The following DOCK10 variants were observed in gnomAD, a reference collection of about 807,000 sequenced individuals.
The protein encoded by DOCK10 is dedicator of cytokinesis 10, also known as dedicator of cytokinesis protein 10.
DOCK10 carries 145 observed loss-of-function variants against 280.1 expected under a neutral mutation model. The ratio of observed to expected loss-of-function variants is 0.52; its 90% CI spans 0.45 to 0.59. The LOEUF (loss-of-function observed/expected upper bound fraction) is 0.59, where lower values mean the gene tolerates loss of function less well. DOCK10 is among the 20% of genes least tolerant of loss of function. The probability of loss-of-function intolerance (pLI) is 0.00; values close to 1 mark genes in which losing one functional copy is unlikely to be tolerated. For missense variants in DOCK10, 2,368 were observed against 2,651.7 expected, an observed-to-expected ratio of 0.89 and a Z score of 2.35; for synonymous variants, 915 against 942.2, an observed-to-expected ratio of 0.97 and a Z score of 0.53.
At chr2:224,954,487 A>G (rs28460215) in intron 1 of DOCK10, among the ~76,000 whole-genome samples, 11 of 152,302 alleles carry the variant, frequency 7.2e-5, no homozygotes, top group Non-Finnish European at 1.3e-4. Flanking sequence ...AAGGCATCCA[A>G]CTGTCTTCGA....
At position 224,936,037 on chromosome 2, in the gene DOCK10, C is replaced by T. The variant is rs555348648; in HGVS notation, c.124-4369G>A. Among the ~76,000 whole-genome samples, 63 of 152,270 alleles carry T rather than the reference C, an allele frequency of 4.1e-4. 1 individual carries two copies. Among genetic ancestry groups the T allele is most frequent in the Admixed American group, 8.5e-4 (13 of 15,270 alleles). On this transcript the variant is annotated intron_variant, in intron 1 of 55. Transcript: ENST00000258390. ...GGAGATTATACCCAATGAGTGAAGA[C>T]TCCAGAGCTGCTGTTCCAAACAGTG...
intron 1 of DOCK10, among the ~76,000 whole-genome samples, chr2:224,988,953 T>C (rs1422252487): frequency 1.3e-5 from 2 of 152,168 alleles, no homozygotes; most frequent in Non-Finnish European, 2.9e-5. Context: ...ACATAAAATG[T>C]TGGTGAACAC....
In DOCK10 at chr2:225,018,744, T is replaced by C. The variant is rs184813642; in HGVS notation, c.123+23508A>G. Among the ~76,000 whole-genome samples, 86 of 91,028 alleles carry C rather than the reference T, an allele frequency of 9.4e-4. 16 individuals are homozygous for C. The highest frequency in any genetic ancestry group is 2.8e-3 in the African/African-American group (82 of 29,580). 59.7% of individuals were successfully genotyped at this position (91,028 alleles called of 152,430 possible). ...AAGATTTCATGTAAATATATATATA[T>C]ACACATACACATATGTGTATATGTA... On this transcript the variant is annotated intron_variant, in intron 1 of 55. Transcript: ENST00000258390.
In DOCK10 at chr2:224,982,409, G is replaced by A. The variant is rs1705797940; in HGVS notation, c.124-50741C>T. 2.4e-6 allele frequency: 3 copies of A among 1,231,234 alleles called. No homozygotes were observed. In the South Asian group the frequency reaches 1.2e-4, roughly 51 times the overall value. The allele number at this position is 1,231,234 out of a possible 1,614,324, so 76.3% of individuals were successfully genotyped here. A position where few individuals can be genotyped will look rare whatever the true frequency, so the allele number is the denominator to read the frequency against. ...CCTACAAAATAACTTCTATGTTGATGCTATGTTTGCAAAACAGTGGCTCCT... is the reference window on the plus strand; with the variant it reads ...CCTACAAAATAACTTCTATGTTGATACTATGTTTGCAAAACAGTGGCTCCT... On this transcript the variant is annotated intron_variant, in intron 1 of 55. Coordinates refer to ENST00000258390, the MANE Select transcript of DOCK10 (RefSeq NM_014689.3).
At chr2:224,940,047 C>T (rs1427158325) in intron 1 of DOCK10, among the ~76,000 whole-genome samples, 1 of 152,158 alleles carries the variant, frequency 6.6e-6, no homozygotes, top group Non-Finnish European at 1.5e-5. Flanking sequence ...CTAATGAAAG[C>T]GTCCTGATTT....
intron 2 of DOCK10, among the ~76,000 whole-genome samples, chr2:224,918,966 A>C (rs1250059605): frequency 1.8e-5 from 2 of 109,358 alleles, no homozygotes; most frequent in African/African-American, 7.3e-5. Context: ...GTGTGTGTGT[A>C]TGTGTGGTGT....
At chr2:224,773,839 C>A (rs1471774089) in intron 52 of DOCK10, among the ~76,000 whole-genome samples, 3 of 152,000 alleles carry the variant, frequency 2.0e-5, no homozygotes, top group Non-Finnish European at 4.4e-5. Context: ...ACCATGTTGG[C>A]CAGGATGGTC....
intron 29 of DOCK10, among the ~76,000 whole-genome samples, chr2:224,817,291 C>T (rs190933709): frequency 3.8e-4 from 58 of 152,262 alleles, no homozygotes; most frequent in African/African-American, 1.1e-3. Flanking sequence ...AGTCCAGGCA[C>T]GGTCAAAGTA....
At chr2:224,784,694 G>A (rs1474500841) in intron 50 of DOCK10, 1 of 1,288,438 alleles carries the variant, frequency 7.8e-7, no homozygotes, top group East Asian at 5.5e-5. Context: ...TGTGAGGGGT[G>A]TTAGAGCATG....
At chr2:224,884,211 C>T (rs1420911098) in intron 7 of DOCK10, among the ~76,000 whole-genome samples, 4 of 152,156 alleles carry the variant, frequency 2.6e-5, no homozygotes, top group African/African-American at 9.7e-5. Context: ...TTATTACTTC[C>T]TGGAAGAATT....
chr2:224,794,653 T>C (rs1692426741), intron 45 of DOCK10, among the ~76,000 whole-genome samples: 1 of 152,214 alleles, frequency 6.6e-6, no homozygotes, highest in South Asian at 2.1e-4. Flanking sequence ...TTTCTACACC[T>C]GCAGTTGCCC....
intron 1 of DOCK10, among the ~76,000 whole-genome samples, chr2:225,015,941 AGCTAAAATAAGACCAT>A (rs1689578932): frequency 6.6e-6 from 1 of 152,216 alleles, no homozygotes; most frequent in South Asian, 2.1e-4. Context: ...TAAAAAAATC[AGCTAAAATAAGACCAT>A]TTTAGCTGGA....
chr2:225,030,753 A>G (rs2106123463), intron 1 of DOCK10, among the ~76,000 whole-genome samples: 1 of 152,286 alleles, frequency 6.6e-6, no homozygotes, highest in South Asian at 2.1e-4. Context: ...ACTTCAATTC[A>G]ATTTGCTATA....
At chr2:224,866,101 C>T (rs1025382635) in intron 11 of DOCK10, among the ~76,000 whole-genome samples, 4 of 152,168 alleles carry the variant, frequency 2.6e-5, no homozygotes, top group Admixed American at 6.6e-5. Context: ...ATGCCCCTTT[C>T]GATGCTGCCA....
rs527494243 is a variant in DOCK10 at position 224,860,127 on chromosome 2, C to T, written c.1685+2537G>A. 7.2e-5 allele frequency among the ~76,000 whole-genome samples: 11 copies of T among 152,274 alleles called. No individual in the cohort carries two copies. The South Asian group carries it at 2.3e-3, about 32-fold the overall frequency. On this transcript the variant is annotated intron_variant, in intron 14 of 55. Transcript: ENST00000258390. ...TAAGCTTGTGGTTTCATTAGCTTTC[C>T]TATCCAAGGAATAATTTCAATAGTC...
chr2:224,921,112 A>AATAT lies in DOCK10; in HGVS notation c.244-4332_244-4329dup, dbSNP rs1201609470. 1.4e-3 allele frequency among the ~76,000 whole-genome samples: 75 copies of AATAT among 54,396 alleles called. 1 individual carries two copies. The highest frequency in any genetic ancestry group is 5.6e-3 in the East Asian group (14 of 2,478). 35.7% of individuals were successfully genotyped at this position (54,396 alleles called of 152,430 possible). ...TCTATTAAAAAAAAAAAAAAAAAAA[A>AATAT]ATATATATATATATATATATATAAT... On this transcript the variant is annotated intron_variant, in intron 2 of 55. Coordinates refer to ENST00000258390, the MANE Select transcript of DOCK10 (RefSeq NM_014689.3).
intron 51 of DOCK10, among the ~76,000 whole-genome samples, chr2:224,776,771 T>TCC (rs1559374541): frequency 6.6e-6 from 1 of 152,138 alleles, no homozygotes; most frequent in Non-Finnish European, 1.5e-5. Context: ...TAAACATATC[T>TCC]CCCTCTTTCA....
intron 3 of DOCK10, among the ~76,000 whole-genome samples, chr2:224,911,710 C>T (rs1362357607): frequency 6.6e-6 from 1 of 152,118 alleles, no homozygotes; most frequent in Non-Finnish European, 1.5e-5. Context: ...AAGCTAGGAA[C>T]ATTTGTTCAT....
chr2:224,854,221 CTT>C (rs1216239873), intron 16 of DOCK10, among the ~76,000 whole-genome samples: 5 of 144,762 alleles, frequency 3.5e-5, no homozygotes, highest in African/African-American at 2.5e-5. Flanking sequence ...GGCCTTTATT[CTT>C]TTTTTTTTTT....
Sources: allele counts gnomAD v4.1 joint callset (sites outside exome capture counted in the v4.1 genomes callset), GRCh38; gene constraint gnomAD v4.1.1; transcripts MANE v1.5; gene names NCBI Gene and HGNC (gene_info 2026-07-23, HGNC 2026-07-21).